LGSN: variants seen among roughly 807,000 people sequenced by gnomAD.
The protein encoded by LGSN is lengsin.
Under a neutral mutation model 19.5 loss-of-function variants are expected in LGSN, and 21 were observed. The observed-to-expected ratio is 1.07, with a 90% CI of 0.76 to 1.55. The LOEUF (loss-of-function observed/expected upper bound fraction) is 1.55, where lower values mean the gene tolerates loss of function less well. Among genes scored for constraint, LGSN ranks in the 40% most tolerant of loss-of-function variants. LGSN has a pLI of 0.00. For synonymous variants in LGSN, 257 were observed against 215.6 expected, an observed-to-expected ratio of 1.19 and a Z score of -1.68; for missense variants, 673 against 608.5, an observed-to-expected ratio of 1.11 and a Z score of -1.12.
At chr6:63,510,489 A>T in the LGSN span, among the ~76,000 whole-genome samples, 1 of 148,116 alleles carries the variant, frequency 6.8e-6, no homozygotes, top group South Asian at 2.1e-4. Context: ...TAAACACTTC[A>T]AGTCATAACT....
chr6:63,335,426 C>G, the LGSN span, among the ~76,000 whole-genome samples: 9 of 152,028 alleles, frequency 5.9e-5, no homozygotes, highest in Non-Finnish European at 1.2e-4. Flanking sequence ...CAGTAAAAAA[C>G]CCAAAGCACA....
intron 2 of LGSN, 145 bp downstream of exon 2, chr6:63,294,768 T>G: frequency 1.3e-6 from 1 of 743,360 alleles, no homozygotes; most frequent in Non-Finnish European, 2.3e-6. Context: ...ATATTTGCCA[T>G]CTTTTATGAC....
chr6:63,286,789 C>T (rs1767557653), intron 2 of LGSN, among the ~76,000 whole-genome samples: 1 of 152,266 alleles, frequency 6.6e-6, no homozygotes, highest in Non-Finnish European at 1.5e-5. Flanking sequence ...CTGCCTTTGC[C>T]CTAGCAACAA....
the LGSN span, among the ~76,000 whole-genome samples, chr6:63,568,765 G>T: frequency 6.6e-6 from 1 of 151,794 alleles, no homozygotes; most frequent in Non-Finnish European, 1.5e-5. Context: ...TATAAAATAG[G>T]CTGTTCTAAA....
At chr6:63,558,227 T>G in the LGSN span, among the ~76,000 whole-genome samples, 1 of 152,214 alleles carries the variant, frequency 6.6e-6, no homozygotes, top group Admixed American at 6.5e-5. Flanking sequence ...GTCATTGAAT[T>G]AAGTTATTGC....
At chr6:63,364,927 T>A in the LGSN span, among the ~76,000 whole-genome samples, 1 of 152,114 alleles carries the variant, frequency 6.6e-6, no homozygotes, top group Non-Finnish European at 1.5e-5. Flanking sequence ...CTGGGACACA[T>A]TCAAAGCAGT....
At chr6:63,453,624 T>C in the LGSN span, among the ~76,000 whole-genome samples, 1 of 152,122 alleles carries the variant, frequency 6.6e-6, no homozygotes, top group Non-Finnish European at 1.5e-5. Flanking sequence ...TTGTTTTCTG[T>C]TCTTTTACTT....
chr6:63,514,885 G>A, the LGSN span, among the ~76,000 whole-genome samples: 2 of 151,690 alleles, frequency 1.3e-5, no homozygotes, highest in African/African-American at 2.4e-5. Flanking sequence ...TTTATTTTAT[G>A]TAGTGACAGG....
the LGSN span, among the ~76,000 whole-genome samples, chr6:63,545,772 A>G: frequency 1.3e-5 from 2 of 152,162 alleles, no homozygotes; most frequent in African/African-American, 2.4e-5. Flanking sequence ...TCAAAATTCA[A>G]TCCAATACTC....
chr6:63,469,719 A>ATTGTT, the LGSN span, among the ~76,000 whole-genome samples: 60 of 152,162 alleles, frequency 3.9e-4, no homozygotes, highest in African/African-American at 1.4e-3. Flanking sequence ...AGTTGCATTT[A>ATTGTT]TTGTTTTGTT....
the LGSN span, among the ~76,000 whole-genome samples, chr6:63,389,688 G>C: frequency 1.3e-5 from 2 of 152,306 alleles, no homozygotes; most frequent in East Asian, 3.9e-4. Flanking sequence ...TCAATATTAA[G>C]TATGTAAGCC....
chr6:63,527,199 G>A, the LGSN span, among the ~76,000 whole-genome samples: 9 of 152,250 alleles, frequency 5.9e-5, no homozygotes, highest in East Asian at 1.4e-3. Context: ...GAATTAGTCT[G>A]CTTTGAAGTG....
the LGSN span, among the ~76,000 whole-genome samples, chr6:63,479,735 G>T: frequency 4.0e-5 from 5 of 126,158 alleles, no homozygotes; most frequent in African/African-American, 1.3e-4. Context: ...GTGAGACTCC[G>T]TCTCAAACAA....
the LGSN span, among the ~76,000 whole-genome samples, chr6:63,459,196 AG>A: frequency 1.3e-5 from 2 of 152,186 alleles, no homozygotes; most frequent in Non-Finnish European, 2.9e-5. Flanking sequence ...GTCAGAAATC[AG>A]GGTTTGAAGG....
the LGSN span, among the ~76,000 whole-genome samples, chr6:63,406,194 A>T: frequency 2.6e-5 from 4 of 152,270 alleles, no homozygotes; most frequent in South Asian, 6.2e-4. Context: ...ACATCTACAG[A>T]ACTCTCCACC....
the LGSN span, chr6:63,441,568 G>A: frequency 6.8e-6 from 3 of 441,690 alleles, no homozygotes; most frequent in South Asian, 1.9e-5. Context: ...GAAGTAGAAC[G>A]AGAGGCAGAG....
chr6:63,318,215 A>C (rs1279387551), intron 1 of LGSN, among the ~76,000 whole-genome samples: 6 of 152,176 alleles, frequency 3.9e-5, no homozygotes, highest in Non-Finnish European at 7.3e-5. Context: ...ATTTCTTCAG[A>C]CTGGGGAAGT....
intron 2 of LGSN, among the ~76,000 whole-genome samples, chr6:63,287,998 G>A (rs1376645228): frequency 3.3e-5 from 5 of 151,820 alleles, no homozygotes; most frequent in Non-Finnish European, 7.4e-5. Flanking sequence ...GGTGGATCAC[G>A]AGGTCAGGAG....
At chr6:63,328,531 A>T in the LGSN span, among the ~76,000 whole-genome samples, 6 of 152,212 alleles carry the variant, frequency 3.9e-5, no homozygotes, top group African/African-American at 1.4e-4. Context: ...TTATTTTGAT[A>T]GCCTCTGACA....
Sources: gnomAD v4.1 joint callset for allele counts (sites outside exome capture counted in the v4.1 genomes callset) on GRCh38, gnomAD v4.1.1 for gene constraint, MANE v1.5 for transcripts, NCBI Gene and HGNC (gene_info 2026-07-23, HGNC 2026-07-21) for gene names.